The following VCPIP1 variants were observed in gnomAD, a reference collection of about 807,000 sequenced individuals.
VCPIP1 encodes deubiquitinating protein VCPIP1.
In VCPIP1, 8 loss-of-function variants were observed where a neutral mutation model predicts 85.0. That is an observed-to-expected ratio of 0.09 (90% CI 0.06 to 0.17). The LOEUF (loss-of-function observed/expected upper bound fraction) is 0.17, where lower values mean the gene tolerates loss of function less well. VCPIP1 is among the 10% of genes least tolerant of loss of function. The pLI is 1.00. For synonymous variants in VCPIP1, 543 were observed against 544.5 expected (o/e 1.00, Z 0.04); for missense variants, 1,070 against 1,486.3 (o/e 0.72, Z 4.61).
Position 66,632,272 on chromosome 8 carries a change from T to C in VCPIP1, c.*2229A>G, listed in dbSNP as rs1395957081. The C allele has an allele frequency of 6.6e-6, 1 of 152,112 alleles. No homozygotes were observed. The highest frequency in any genetic ancestry group is 1.5e-5 in the Non-Finnish European group (1 of 67,938). 9.4% of individuals were successfully genotyped at this position (152,112 alleles called of 1,614,324 possible). A position where few individuals can be genotyped will look rare whatever the true frequency, so the allele number is the denominator to read the frequency against. On this transcript the variant is annotated 3_prime_UTR_variant, in exon 3 of 3. Coordinates refer to ENST00000310421, the MANE Select transcript of VCPIP1 (RefSeq NM_025054.5). ...TTCTTTGTGAGGATACCTGGCCTAC[T>C]TCTCAAAAACCATCAATTCACCCCA...
rs966204562 is a variant in VCPIP1 at position 66,664,813 on chromosome 8, T to C, written c.2146A>G (p.Ile716Val). ...GCCTGTTCCGTAATATTCTGTTGAA[T>C]AGTTCTTTCAGTTTTACTCATGTTT... ...ELNMSKTERT[I>V]QQNITEQASV... The change falls in exon 1 of 3, where the codon ATT (isoleucine) becomes GTT (valine). Residue 716 changes from isoleucine to valine, a missense_variant. Around this residue, in one of 8 missense-constraint regions of VCPIP1, gnomAD observed 278 missense variants for 298.5 expected, o/e 0.93. Coordinates refer to ENST00000310421, the MANE Select transcript of VCPIP1 (RefSeq NM_025054.5). The C allele has an allele frequency of 1.9e-6, 3 of 1,612,948 alleles. No homozygotes were observed. The highest frequency in any genetic ancestry group is 2.7e-5 in the African/African-American group (2 of 74,756).
intron 1 of VCPIP1, among the ~76,000 whole-genome samples, chr8:66,663,254 T>A (rs1811175135): frequency 6.6e-6 from 1 of 152,046 alleles, no homozygotes; most frequent in South Asian, 2.1e-4. Flanking sequence ...TATTTACTAC[T>A]CCCCCAGATA....
intron 1 of VCPIP1, 80 bp from the exon 2 acceptor site, chr8:66,651,624 G>T: frequency 1.8e-6 from 2 of 1,130,696 alleles, no homozygotes; most frequent in Non-Finnish European, 2.6e-6. Flanking sequence ...GATTAGCCTA[G>T]AATAAACATC....
chr8:66,666,671 G>C lies in VCPIP1; in HGVS notation c.288C>G (p.His96Gln). 6.2e-7 allele frequency: 1 copy of C among 1,614,222 alleles called. No homozygotes were observed. Among genetic ancestry groups the C allele is most frequent in the Non-Finnish European group, 8.5e-7 (1 of 1,180,038 alleles). The change falls in exon 1 of 3, where the codon CAC (histidine) becomes CAG (glutamine). Residue 96 changes from histidine (H) to glutamine (Q), a missense_variant. His to Gln is a conservative substitution (Grantham distance 24). Transcript: ENST00000310421. The surrounding 1 kb of genome is among the most constrained non-coding windows in gnomAD (Gnocchi z 6.3). Reference protein sequence around the residue: ...EEVTDPDVVLHNLLRNALLGV... With the variant: ...EEVTDPDVVLQNLLRNALLGV... The stretch of plus-strand genomic sequence containing the variant: ...CGAGCAGCGCGTTCCGCAGCAGGTT[G>C]TGTAGCACTACGTCCGGGTCGGTCA...
intron 1 of VCPIP1, among the ~76,000 whole-genome samples, chr8:66,656,602 A>G (rs1811102889): frequency 6.6e-6 from 1 of 152,004 alleles, no homozygotes; most frequent in Admixed American, 6.6e-5. Flanking sequence ...ATTTTTATTT[A>G]TTTATTCATT....
In VCPIP1 at chr8:66,666,305, G is replaced by A. The variant is rs776383006; in HGVS notation, c.654C>T (p.His218=). ...LIPVHVDGDG[H]CLVHAVSRAL... ...CCCGAGACACAGCATGCACCAAGCA[G>A]TGTCCATCCCCGTCCACATGCACTG... The change falls in exon 1 of 3, where the codon CAC becomes CAT. Residue 218 remains histidine (H), a synonymous_variant. Coordinates refer to ENST00000310421, the MANE Select transcript of VCPIP1 (RefSeq NM_025054.5). The surrounding 1 kb of genome is among the most constrained non-coding windows in gnomAD (Gnocchi z 6.3). 2.5e-6 allele frequency: 4 copies of A among 1,614,044 alleles called. No individual in the cohort carries two copies. In the African/African-American group the frequency reaches 5.3e-5, roughly 22 times the overall value.
In VCPIP1 at chr8:66,638,985, T is replaced by TATATATAC. The variant is rs1302544149; in HGVS notation, c.2798-3614_2798-3613insGTATATAT. Among the ~76,000 whole-genome samples, 217 of 148,992 alleles carry TATATATAC rather than the reference T, an allele frequency of 1.5e-3. 3 individuals carry two copies. The highest frequency in any genetic ancestry group is 5.1e-3 in the African/African-American group (204 of 39,730). ...CTCTCTCTCTCTATATATATATATA[T>TATATATAC]ACATATATTTTGTGGGGGACAGGGT... On this transcript the variant is annotated intron_variant, in intron 2 of 2. Transcript: ENST00000310421.
rs796974362 is a variant in VCPIP1 at position 66,643,506 on chromosome 8, G to A, written c.2797+7952C>T. ...CTCTTAAGGCCAGGAATTCAAGACT[G>A]GCCTGGCTAACATGGCGAAACCCTG... On this transcript the variant is annotated intron_variant, in intron 2 of 2. Coordinates refer to ENST00000310421, the MANE Select transcript of VCPIP1 (RefSeq NM_025054.5). Among the ~76,000 whole-genome samples, 4 of 149,736 alleles carry A rather than the reference G, an allele frequency of 2.7e-5. No homozygotes were observed. In the East Asian group the frequency reaches 7.9e-4, roughly 30 times the overall value.
At chr8:66,653,872 A>G (rs891581579) in intron 1 of VCPIP1, among the ~76,000 whole-genome samples, 35 of 152,168 alleles carry the variant, frequency 2.3e-4, no homozygotes, top group African/African-American at 8.2e-4. Flanking sequence ...TTAGTTTTAT[A>G]TATTAATCAT....
At chr8:66,660,783 C>T (rs1240428537) in intron 1 of VCPIP1, among the ~76,000 whole-genome samples, 2 of 152,140 alleles carry the variant, frequency 1.3e-5, no homozygotes, top group East Asian at 1.9e-4. Context: ...GTGGCTCATG[C>T]CTGTAATCCC....
chr8:66,666,676 G>T lies in VCPIP1; in HGVS notation c.283C>A (p.Leu95Ile), dbSNP rs1811215342. 1 of 1,614,194 alleles carries T rather than the reference G, an allele frequency of 6.2e-7. No homozygotes were observed. Among genetic ancestry groups the T allele is most frequent in the Non-Finnish European group, 8.5e-7 (1 of 1,180,042 alleles). ...AGCGCGTTCCGCAGCAGGTTGTGTA[G>T]CACTACGTCCGGGTCGGTCACCTCC... ...VEEVTDPDVV[L>I]HNLLRNALLG... is the part of the protein sequence containing the mutation. Residue 95 changes from leucine (L) to isoleucine (I), a missense_variant, in exon 1 of 3, where the codon CTA becomes ATA. Transcript: ENST00000310421. The surrounding 1 kb of genome is among the most constrained non-coding windows in gnomAD (Gnocchi z 6.3).
At position 66,665,426 on chromosome 8, in the gene VCPIP1, G is replaced by A; in HGVS notation, c.1533C>T (p.Pro511=). 6.2e-7 allele frequency: 1 copy of A among 1,614,166 alleles called. No individual in the cohort carries two copies. The highest frequency in any genetic ancestry group is 8.5e-7 in the Non-Finnish European group (1 of 1,180,034). The change falls in exon 1 of 3, where the codon CCC becomes CCT. Residue 511 remains proline (P), a synonymous_variant. Transcript: ENST00000310421. This position sits in a 1 kb window ranked among gnomAD's most constrained non-coding sequence, Gnocchi z 4.3. Reference sequence around the variant, plus strand: ...CATATGAGCAAACCAAATTGTTCAAGGGAAAGCTGTAATTTTTGTCAGTCC... The same window carrying A: ...CATATGAGCAAACCAAATTGTTCAAAGGAAAGCTGTAATTTTTGTCAGTCC... ...QLRTDKNYSF[P]LNNLVCSYDS...
At position 66,666,808 on chromosome 8, in the gene VCPIP1, C is replaced by A; in HGVS notation, c.151G>T (p.Asp51Tyr). The change falls in exon 1 of 3, where the codon GAT (aspartate) becomes TAT (tyrosine). Residue 51 changes from aspartate to tyrosine, a missense_variant. This residue lies in a region of VCPIP1 where 164 missense variants were observed against 158.6 expected (regional missense o/e 1.03). Coordinates refer to ENST00000310421, the MANE Select transcript of VCPIP1 (RefSeq NM_025054.5). The surrounding 1 kb of genome is among the most constrained non-coding windows in gnomAD (Gnocchi z 6.3). ...DRRILSGSCP[D>Y]PKCQARLFFP... is the part of the protein sequence containing the mutation. ...AATAGACGCGCCTGACACTTCGGAT[C>A]CGGGCAGCTCCCGGAAAGGATTCTC... is the stretch of plus-strand genomic sequence containing the variant. 6.2e-7 allele frequency: 1 copy of A among 1,614,006 alleles called. No individual in the cohort carries two copies. Among genetic ancestry groups the A allele is most frequent in the Non-Finnish European group, 8.5e-7 (1 of 1,179,962 alleles).
At chr8:66,637,724 C>CT (rs1810902525) in intron 2 of VCPIP1, among the ~76,000 whole-genome samples, 1 of 152,088 alleles carries the variant, frequency 6.6e-6, no homozygotes, top group Non-Finnish European at 1.5e-5. Flanking sequence ...AATCCCAGCA[C>CT]TTTGGGAGGC....
At chr8:66,661,906 G>A (rs988823998) in intron 1 of VCPIP1, among the ~76,000 whole-genome samples, 4 of 150,644 alleles carry the variant, frequency 2.7e-5, no homozygotes, top group Admixed American at 2.6e-4. Context: ...TGGGACTACA[G>A]GCTCCTGCCA....
At position 66,651,077 on chromosome 8, in the gene VCPIP1, C is replaced by T. The variant is rs536486438; in HGVS notation, c.2797+381G>A. On this transcript the variant is annotated intron_variant, in intron 2 of 2. Coordinates refer to ENST00000310421, the MANE Select transcript of VCPIP1 (RefSeq NM_025054.5). ...GCACATGCCTATAATCCTAGCTACT[C>T]GAGAAGCTGAGGCAGGAGAATCGCT... 2.7e-5 allele frequency among the ~76,000 whole-genome samples: 4 copies of T among 149,228 alleles called. No individual in the cohort carries two copies. In the East Asian group the frequency reaches 5.9e-4, roughly 22 times the overall value.
Position 66,664,746 on chromosome 8 carries a change from T to C in VCPIP1, c.2213A>G (p.Glu738Gly). Residue 738 changes from glutamate (E) to glycine (G), a missense_variant, in exon 1 of 3, where the codon GAA becomes GGA. Glu to Gly is a moderately conservative substitution (Grantham distance 98). Around this residue, in one of 8 missense-constraint regions of VCPIP1, gnomAD observed 278 missense variants for 298.5 expected, o/e 0.93. Transcript: ENST00000310421. ...QKRKTEKLKQ[E>G]QKGQPRTVSP... Reference sequence around the variant, plus strand: ...AACAGTCCTGGGTTGCCCTTTTTGTTCTTGTTTTAACTTCTCTGTTTTCCG... The same window carrying C: ...AACAGTCCTGGGTTGCCCTTTTTGTCCTTGTTTTAACTTCTCTGTTTTCCG... 6.2e-7 allele frequency: 1 copy of C among 1,613,472 alleles called. No homozygotes were observed. Among genetic ancestry groups the C allele is most frequent in the Admixed American group, 1.7e-5 (1 of 59,774 alleles).
At chr8:66,649,458 A>G (rs1255290264) in intron 2 of VCPIP1, among the ~76,000 whole-genome samples, 1 of 152,174 alleles carries the variant, frequency 6.6e-6, no homozygotes, top group East Asian at 1.9e-4. Context: ...GCAGTGAGCT[A>G]TAACTGCACC....
chr8:66,664,102 T>C, intron 1 of VCPIP1, 147 bp downstream of exon 1: 1 of 1,105,386 alleles, frequency 9.0e-7, no homozygotes, highest in African/African-American at 1.6e-5. Flanking sequence ...CTATCAACTG[T>C]TCAAAATACT....
Sources: gnomAD v4.1 joint callset for allele counts (sites outside exome capture counted in the v4.1 genomes callset) on GRCh38, gnomAD v4.1.1 for gene constraint, gnomAD v4.1.1 regional missense constraint, Gnocchi (gnomAD v3.1) non-coding constraint, MANE v1.5 for transcripts, NCBI Gene and HGNC (gene_info 2026-07-23, HGNC 2026-07-21) for gene names.